The following ACVR1C variants were observed in gnomAD, a reference collection of about 807,000 sequenced individuals.
ACVR1C encodes activin A receptor type 1C.
A neutral mutation model predicts 57.9 loss-of-function variants in ACVR1C; 23 were observed. That is an observed-to-expected ratio of 0.40 (90% CI 0.29 to 0.56). The LOEUF is 0.56. Ranked by LOEUF, ACVR1C falls within the 20% of genes least tolerant of loss-of-function variation. The pLI, the probability that ACVR1C is intolerant of heterozygous loss-of-function variation, is 0.50. For missense variants in ACVR1C, 480 were observed against 607.9 expected (o/e 0.79, Z 2.21); for synonymous variants, 214 against 215.3 (o/e 0.99, Z 0.05).
chr2:157,582,426 G>A (rs767882986), intron 2 of ACVR1C, among the ~76,000 whole-genome samples: 47 of 152,042 alleles, frequency 3.1e-4, no homozygotes, highest in Non-Finnish European at 6.2e-4. Context: ...ACCAATTAAT[G>A]CAATCCATCA....
chr2:157,595,725 C>T (rs1682081986), intron 1 of ACVR1C, among the ~76,000 whole-genome samples: 1 of 152,182 alleles, frequency 6.6e-6, no homozygotes, highest in African/African-American at 2.4e-5. Context: ...CCAACCTCAT[C>T]TCTCATAACT....
chr2:157,610,211 G>A (rs559014615), intron 1 of ACVR1C, among the ~76,000 whole-genome samples: 1 of 152,052 alleles, frequency 6.6e-6, no homozygotes, highest in South Asian at 2.1e-4. Flanking sequence ...CCAGGTTTAG[G>A]ACTCCCTTGA....
intron 1 of ACVR1C, among the ~76,000 whole-genome samples, chr2:157,604,821 A>G (rs985163216): frequency 2.6e-5 from 4 of 151,856 alleles, no homozygotes; most frequent in African/African-American, 9.7e-5. Context: ...GTGTTTTGCA[A>G]ACATTATTTC....
chr2:157,566,369 G>A lies in ACVR1C; in HGVS notation c.305-10037C>T, dbSNP rs559085652. Among the ~76,000 whole-genome samples, 13 of 152,314 alleles carry A rather than the reference G, an allele frequency of 8.5e-5. No homozygotes were observed. The South Asian group carries it at 1.5e-3, about 17-fold the overall frequency. ...GTGGGAATGTGGAGCCAAGATGGCC[G>A]AATAGGAACAGCTCCGGTCTATAGC... On this transcript the variant is annotated intron_variant, in intron 2 of 8. Transcript: ENST00000243349.
At chr2:157,568,410 G>A (rs2105237980) in intron 2 of ACVR1C, among the ~76,000 whole-genome samples, 1 of 57,280 alleles carries the variant, frequency 1.7e-5, no homozygotes, top group East Asian at 3.7e-4. Context: ...AAAAGACACA[G>A]ACTGGCAAGT....
chr2:157,553,749 AG>A (rs1687977662), intron 3 of ACVR1C, among the ~76,000 whole-genome samples: 1 of 152,242 alleles, frequency 6.6e-6, no homozygotes, highest in African/African-American at 2.4e-5. Flanking sequence ...AAATTATATA[AG>A]GTTTCAAGAA....
intron 1 of ACVR1C, among the ~76,000 whole-genome samples, chr2:157,590,158 A>G (rs1167726668): frequency 6.6e-6 from 1 of 152,000 alleles, no homozygotes; most frequent in East Asian, 1.9e-4. Flanking sequence ...AATGCAACAA[A>G]AACAAAAATA....
intron 2 of ACVR1C, among the ~76,000 whole-genome samples, chr2:157,572,408 A>G (rs1002885516): frequency 1.1e-4 from 17 of 152,190 alleles, no homozygotes; most frequent in Non-Finnish European, 2.5e-4. Flanking sequence ...ATGCTAGCAT[A>G]ACTTCTCCAC....
intron 7 of ACVR1C, among the ~76,000 whole-genome samples, chr2:157,539,824 A>G (rs1687578866): frequency 6.6e-6 from 1 of 152,164 alleles, no homozygotes; most frequent in Non-Finnish European, 1.5e-5. Context: ...CTATAATTCT[A>G]TTGCTTCTAT....
At chr2:157,573,986 C>T (rs922657349) in intron 2 of ACVR1C, among the ~76,000 whole-genome samples, 1 of 152,146 alleles carries the variant, frequency 6.6e-6, no homozygotes, top group Admixed American at 6.5e-5. Context: ...AAGCACAATA[C>T]ATCATGAATG....
chr2:157,573,966 C>T (rs1347682682), intron 2 of ACVR1C, among the ~76,000 whole-genome samples: 1 of 152,020 alleles, frequency 6.6e-6, no homozygotes, highest in African/African-American at 2.4e-5. Context: ...AACTCTAGGC[C>T]AGTGGATATA....
chr2:157,557,953 T>C (rs78888507), intron 2 of ACVR1C, among the ~76,000 whole-genome samples: 1,572 of 152,300 alleles, frequency 0.01, 29 homozygotes, highest in African/African-American at 0.036. Flanking sequence ...TCATTTCCTT[T>C]TCGTTGACTA....
intron 2 of ACVR1C, among the ~76,000 whole-genome samples, chr2:157,577,955 T>G (rs1283223612): frequency 2.0e-5 from 3 of 152,036 alleles, no homozygotes; most frequent in Non-Finnish European, 4.4e-5. Context: ...CAGGTTGGAG[T>G]GCAATGGTGT....
chr2:157,548,599 G>C (rs1038491551), intron 4 of ACVR1C, among the ~76,000 whole-genome samples: 2 of 151,328 alleles, frequency 1.3e-5, no homozygotes, highest in East Asian at 3.9e-4. Context: ...CAATGGAACA[G>C]AACAGAGCCC....
intron 5 of ACVR1C, among the ~76,000 whole-genome samples, chr2:157,543,370 G>A (rs1234800101): frequency 6.6e-6 from 1 of 151,982 alleles, no homozygotes; most frequent in Non-Finnish European, 1.5e-5. Context: ...ATGAAGAACA[G>A]GTATGAAAAT....
rs1438997723 is a variant in ACVR1C, at chr2:157,532,567, A to G, written c.*1351T>C. 6.6e-6 allele frequency: 1 copy of G among 152,110 alleles called. No individual in the cohort carries two copies. Among genetic ancestry groups the G allele is most frequent in the African/African-American group, 2.4e-5 (1 of 41,434 alleles). The allele number at this position is 152,110 out of a possible 1,614,324, so 9.4% of individuals were successfully genotyped here. A position where few individuals can be genotyped will look rare whatever the true frequency, so the allele number is the denominator to read the frequency against. ...TTAGGAGCATAAAAGACATCATGTT[A>G]AATCTCGTTTACCAAAGTAAAATTA... On this transcript the variant is annotated 3_prime_UTR_variant, in exon 9 of 9. Transcript: ENST00000243349.
At chr2:157,592,299 A>G (rs1484739897) in intron 1 of ACVR1C, among the ~76,000 whole-genome samples, 1 of 152,096 alleles carries the variant, frequency 6.6e-6, no homozygotes, top group African/African-American at 2.4e-5. Context: ...AAATGATTAC[A>G]TAATAGTTCT....
At chr2:157,556,990 A>G (rs75105972) in intron 2 of ACVR1C, among the ~76,000 whole-genome samples, 2,839 of 152,232 alleles carry the variant, frequency 0.019, 43 homozygotes, top group Middle Eastern at 0.061. Context: ...AAGCATGTAC[A>G]TTCATTCTTT....
intron 1 of ACVR1C, among the ~76,000 whole-genome samples, chr2:157,625,963 GT>G (rs1682886965): frequency 1.3e-5 from 2 of 152,060 alleles, no homozygotes; most frequent in African/African-American, 4.8e-5. Flanking sequence ...AGGAGCCTGA[GT>G]TTTTCGTTGC....
Sources: gnomAD v4.1 joint callset for allele counts (sites outside exome capture counted in the v4.1 genomes callset) on GRCh38, gnomAD v4.1.1 for gene constraint, MANE v1.5 for transcripts, NCBI Gene and HGNC (gene_info 2026-07-23, HGNC 2026-07-21) for gene names.